The following RGS17 variants were observed in gnomAD, a reference collection of about 807,000 sequenced individuals.
The protein encoded by RGS17 is regulator of G-protein signaling 17.
A neutral mutation model predicts 25.5 loss-of-function variants in RGS17; 12 were observed. That is an observed-to-expected ratio of 0.47 (90% CI 0.30 to 0.76). RGS17 has a LOEUF of 0.76. Ranked by LOEUF, RGS17 falls within the 30% of genes least tolerant of loss-of-function variation. RGS17 has a pLI of 0.07. For synonymous variants in RGS17, 71 were observed against 76.9 expected, an observed-to-expected ratio of 0.92 and a Z score of 0.40; for missense variants, 196 against 242.2, an observed-to-expected ratio of 0.81 and a Z score of 1.27.
chr6:153,038,491 T>C (rs1192917420), intron 2 of RGS17, among the ~76,000 whole-genome samples: 2 of 152,234 alleles, frequency 1.3e-5, no homozygotes, highest in African/African-American at 2.4e-5. Context: ...ATATGTATGA[T>C]GGTCTGTTTA....
rs758424969 is a variant in RGS17, at chr6:153,043,984, G to A, written c.35C>T (p.Thr12Ile). The change falls in exon 2 of 5, where the codon ACA (threonine) becomes ATA (isoleucine). Residue 12 changes from threonine to isoleucine, a missense_variant. By Grantham distance (89) the Thr-to-Ile change is moderately conservative. Around this residue, in one of 2 missense-constraint regions of RGS17, gnomAD observed 17 missense variants for 44.7 expected, o/e 0.38. Coordinates refer to ENST00000206262, the MANE Select transcript of RGS17 (RefSeq NM_012419.5). ...RKRQQSQNEG[T>I]PAVSQAPGNQ... ...TCCAGGAGCTTGAGACACGGCAGGT[G>A]TTCCTTCATTTTGGGACTGCTGCCT... The A allele has an allele frequency of 1.6e-5, 26 of 1,612,888 alleles. No homozygotes were observed. Among genetic ancestry groups the A allele is most frequent in the Non-Finnish European group, 2.1e-5 (25 of 1,179,438 alleles).
At chr6:153,117,005 A>G (rs1777556033) in intron 1 of RGS17, among the ~76,000 whole-genome samples, 1 of 152,154 alleles carries the variant, frequency 6.6e-6, no homozygotes, top group East Asian at 1.9e-4. Context: ...ACAAACCACC[A>G]TGGCACGTGC....
chr6:153,035,984 C>T (rs1223268788), intron 2 of RGS17, among the ~76,000 whole-genome samples: 1 of 152,160 alleles, frequency 6.6e-6, no homozygotes, highest in Admixed American at 6.5e-5. Flanking sequence ...TATTGGACTT[C>T]TCTGGTGTAT....
chr6:153,129,041 G>A (rs1777746212), intron 1 of RGS17, among the ~76,000 whole-genome samples: 1 of 152,154 alleles, frequency 6.6e-6, no homozygotes, highest in Admixed American at 6.5e-5. Context: ...AATTTCAGGA[G>A]GAAGGATGAG....
intron 4 of RGS17, among the ~76,000 whole-genome samples, chr6:153,016,110 A>G (rs1028153209): frequency 1.3e-5 from 2 of 152,170 alleles, no homozygotes; most frequent in Non-Finnish European, 2.9e-5. Context: ...CTTTATTGGG[A>G]ATTCTTTAAA....
At chr6:153,041,716 C>A (rs1776322893) in intron 2 of RGS17, among the ~76,000 whole-genome samples, 1 of 152,138 alleles carries the variant, frequency 6.6e-6, no homozygotes, top group Non-Finnish European at 1.5e-5. Flanking sequence ...TATTCCTCAA[C>A]CCTGTGTAAC....
chr6:153,023,933 G>A (rs1042713135), intron 4 of RGS17, among the ~76,000 whole-genome samples: 2 of 152,288 alleles, frequency 1.3e-5, no homozygotes, highest in Admixed American at 1.3e-4. Flanking sequence ...TAGGGGTCAT[G>A]CTTTGCGAAA....
intron 1 of RGS17, among the ~76,000 whole-genome samples, chr6:153,099,362 G>A (rs551640275): frequency 6.3e-4 from 96 of 152,286 alleles, no homozygotes; most frequent in African/African-American, 2.2e-3. Context: ...TGAAGACTTA[G>A]TGGAGAATAT....
chr6:153,034,348 G>C (rs773338917), intron 2 of RGS17, among the ~76,000 whole-genome samples: 78 of 152,268 alleles, frequency 5.1e-4, no homozygotes, highest in South Asian at 1.2e-3. Flanking sequence ...TACCTGTGCC[G>C]ATTAATGTGA....
chr6:153,080,263 C>T (rs1056602944), intron 1 of RGS17, among the ~76,000 whole-genome samples: 25 of 152,090 alleles, frequency 1.6e-4, no homozygotes, highest in African/African-American at 2.2e-4. Context: ...TACAGGCGTG[C>T]GCCACCATGC....
intron 3 of RGS17, among the ~76,000 whole-genome samples, chr6:153,024,918 GT>G (rs951266811): frequency 1.1e-4 from 16 of 151,332 alleles, no homozygotes; most frequent in South Asian, 4.2e-4. Flanking sequence ...ATAAGATACA[GT>G]TTTTTTTTCT....
chr6:153,123,840 C>T lies in RGS17; in HGVS notation c.-26+7284G>A, dbSNP rs556247248. 5.3e-5 allele frequency among the ~76,000 whole-genome samples: 8 copies of T among 152,278 alleles called. No individual in the cohort carries two copies. In the East Asian group the frequency reaches 7.7e-4, roughly 15 times the overall value. ...AGAATATCTTACATTACAATGATTA[C>T]GCAGGGTAGCCTACAAGTGAGAGGG... On this transcript the variant is annotated intron_variant, in intron 1 of 4. Coordinates refer to ENST00000206262, the MANE Select transcript of RGS17 (RefSeq NM_012419.5).
chr6:153,080,094 G>A (rs2129119001), intron 1 of RGS17, among the ~76,000 whole-genome samples: 1 of 152,230 alleles, frequency 6.6e-6, no homozygotes, highest in Admixed American at 6.5e-5. Flanking sequence ...TGATTCTCCT[G>A]ACTCAGCCTC....
At chr6:153,124,852 G>A (rs181287967) in intron 1 of RGS17, among the ~76,000 whole-genome samples, 7 of 152,268 alleles carry the variant, frequency 4.6e-5, no homozygotes, top group African/African-American at 1.7e-4. Context: ...AAATAGGAGA[G>A]TTTAGGGTAA....
intron 1 of RGS17, among the ~76,000 whole-genome samples, chr6:153,074,990 C>T (rs918604784): frequency 2.6e-5 from 4 of 152,100 alleles, no homozygotes; most frequent in African/African-American, 4.8e-5. Flanking sequence ...CTGCCCTCCC[C>T]GGATGCTGAT....
chr6:153,025,559 T>C (rs1191546879), intron 3 of RGS17, among the ~76,000 whole-genome samples: 1 of 150,828 alleles, frequency 6.6e-6, no homozygotes, highest in African/African-American at 2.4e-5. Flanking sequence ...GATTCTGATC[T>C]TCCTTTCCTA....
chr6:153,069,944 C>G (rs1188918139), intron 1 of RGS17, among the ~76,000 whole-genome samples: 4 of 152,104 alleles, frequency 2.6e-5, no homozygotes, highest in Non-Finnish European at 5.9e-5. Context: ...TGTTACAAAG[C>G]TCATGCTGGT....
chr6:153,058,898 AT>A (rs34700376), intron 1 of RGS17, among the ~76,000 whole-genome samples: 83,520 of 146,944 alleles, frequency 0.57, 23,489 homozygotes, highest in East Asian at 0.77. Flanking sequence ...TCGTTAGCGC[AT>A]TTTTTTTTTT....
chr6:153,073,730 T>C (rs1410173582), intron 1 of RGS17, among the ~76,000 whole-genome samples: 1 of 151,992 alleles, frequency 6.6e-6, no homozygotes, highest in African/African-American at 2.4e-5. Flanking sequence ...AGGAAACAAA[T>C]ATTCCCAGCC....
Sources: allele counts gnomAD v4.1 joint callset (sites outside exome capture counted in the v4.1 genomes callset), GRCh38; gene constraint gnomAD v4.1.1; regional missense constraint gnomAD v4.1.1; transcripts MANE v1.5; gene names NCBI Gene and HGNC (gene_info 2026-07-23, HGNC 2026-07-21).